IL1RAPL1: variants seen among roughly 807,000 people sequenced by gnomAD.
The protein encoded by IL1RAPL1 is interleukin 1 receptor accessory protein like 1.
Under a neutral mutation model 48.4 loss-of-function variants are expected in IL1RAPL1, and 3 were observed. The ratio of observed to expected loss-of-function variants is 0.06; its 90% CI spans 0.03 to 0.16. IL1RAPL1 has a LOEUF of 0.16. Ranked by LOEUF, IL1RAPL1 falls within the 10% of genes least tolerant of loss-of-function variation. IL1RAPL1 has a pLI of 1.00. For synonymous variants in IL1RAPL1, 185 were observed against 187.7 expected, an observed-to-expected ratio of 0.99 and a Z score of 0.12; for missense variants, 349 against 530.6, an observed-to-expected ratio of 0.66 and a Z score of 3.36.
At chrX:29,107,873 G>A (rs1366454483) in intron 2 of IL1RAPL1, among the ~76,000 whole-genome samples, 4 of 112,192 alleles carry the variant, frequency 3.6e-5, no homozygotes, top group Admixed American at 9.4e-5. Flanking sequence ...TTGGCTTTAC[G>A]TAATAGTCAA....
At chrX:29,313,820 T>C (rs981733063) in intron 3 of IL1RAPL1, among the ~76,000 whole-genome samples, 1 of 112,155 alleles carries the variant, frequency 8.9e-6, no homozygotes, top group African/African-American at 3.2e-5. Flanking sequence ...GGATGAAGTT[T>C]ATCCATTCAT....
rs181578312 is a variant in IL1RAPL1, at chrX:28,825,410, G to C, written c.82+35985G>C. On this transcript the variant is annotated intron_variant, in intron 2 of 10. Coordinates refer to ENST00000378993, the MANE Select transcript of IL1RAPL1 (RefSeq NM_014271.4). Reference sequence around the variant, plus strand: ...TATAATAGGGGCATCGTGATACTTGGAGTATTAATCCAATATTGAGGGAAA... The same window carrying C: ...TATAATAGGGGCATCGTGATACTTGCAGTATTAATCCAATATTGAGGGAAA... Among the ~76,000 whole-genome samples, 432 of 111,082 alleles carry C rather than the reference G, an allele frequency of 3.9e-3. 5 individuals carry two copies. Among genetic ancestry groups the C allele is most frequent in the African/African-American group, 0.013 (413 of 30,674 alleles).
chrX:29,846,858 CA>C (rs1931261734), intron 6 of IL1RAPL1, among the ~76,000 whole-genome samples: 1 of 108,492 alleles, frequency 9.2e-6, no homozygotes, highest in Non-Finnish European at 1.9e-5. Flanking sequence ...CATATATACA[CA>C]GTGAATTTTA....
At chrX:29,334,733 A>G (rs1253199822) in intron 3 of IL1RAPL1, among the ~76,000 whole-genome samples, 3 of 111,518 alleles carry the variant, frequency 2.7e-5, no homozygotes, top group Non-Finnish European at 3.8e-5. Flanking sequence ...CCGGGCAGAG[A>G]CGCTCCTCAC....
At chrX:29,004,721 C>T (rs1602006844) in intron 2 of IL1RAPL1, among the ~76,000 whole-genome samples, 1 of 111,576 alleles carries the variant, frequency 9.0e-6, no homozygotes, top group East Asian at 2.8e-4. Context: ...GTAAGCCAGG[C>T]ACAGTGTCTC....
intron 6 of IL1RAPL1, among the ~76,000 whole-genome samples, chrX:29,859,333 A>G (rs1931533124): frequency 1.8e-5 from 2 of 111,707 alleles, no homozygotes; most frequent in Admixed American, 1.9e-4. Flanking sequence ...AAGACTTTGG[A>G]ATTTACCTCT....
intron 1 of IL1RAPL1, among the ~76,000 whole-genome samples, chrX:28,697,326 A>G (rs2146928240): frequency 9.0e-6 from 1 of 110,778 alleles, no homozygotes; most frequent in East Asian, 2.8e-4. Context: ...ATTGCCTTGA[A>G]TTTTTTAATG....
intron 2 of IL1RAPL1, among the ~76,000 whole-genome samples, chrX:29,175,570 G>A (rs1342061687): frequency 9.0e-6 from 1 of 110,627 alleles, no homozygotes; most frequent in Non-Finnish European, 1.9e-5. Context: ...TTCCAAGCTG[G>A]GTGTGGTGGC....
At chrX:28,748,398 T>C (rs1292373189) in intron 1 of IL1RAPL1, among the ~76,000 whole-genome samples, 1 of 111,801 alleles carries the variant, frequency 8.9e-6, no homozygotes, top group Non-Finnish European at 1.9e-5. Flanking sequence ...TCCCCATCCC[T>C]TTTACCACAG....
chrX:29,745,132 G>T (rs1404987591), intron 6 of IL1RAPL1, among the ~76,000 whole-genome samples: 3 of 111,680 alleles, frequency 2.7e-5, no homozygotes, highest in African/African-American at 9.8e-5. Flanking sequence ...GTAAGTATTT[G>T]GTGATGGATT....
intron 2 of IL1RAPL1, among the ~76,000 whole-genome samples, chrX:28,944,834 T>C (rs1202764219): frequency 9.1e-6 from 1 of 109,783 alleles, no homozygotes; most frequent in Non-Finnish European, 1.9e-5. Context: ...TCCATCTTGC[T>C]CAATTAAAAA....
At chrX:28,899,339 G>T (rs1357058019) in intron 2 of IL1RAPL1, among the ~76,000 whole-genome samples, 1 of 111,367 alleles carries the variant, frequency 9.0e-6, no homozygotes, top group Non-Finnish European at 1.9e-5. Flanking sequence ...TGTATTTTTT[G>T]TAGAGACAGG....
intron 2 of IL1RAPL1, among the ~76,000 whole-genome samples, chrX:28,794,062 G>T (rs1455443037): frequency 3.6e-5 from 4 of 110,739 alleles, no homozygotes; most frequent in Admixed American, 1.9e-4. Flanking sequence ...GAAAGATAAA[G>T]GTAAAATTAA....
chrX:29,350,582 CTGAG>C (rs1235809392), intron 3 of IL1RAPL1, among the ~76,000 whole-genome samples: 2 of 96,457 alleles, frequency 2.1e-5, no homozygotes, highest in African/African-American at 7.7e-5. Flanking sequence ...TGGTTCCAGT[CTGAG>C]TGAGTGTGTG....
At chrX:29,135,341 A>C (rs1280461073) in intron 2 of IL1RAPL1, among the ~76,000 whole-genome samples, 1 of 112,018 alleles carries the variant, frequency 8.9e-6, no homozygotes, top group Non-Finnish European at 1.9e-5. Context: ...AAATAAGTAG[A>C]ACCTCCATAC....
chrX:29,098,897 T>G (rs1183684597), intron 2 of IL1RAPL1, among the ~76,000 whole-genome samples: 2 of 112,488 alleles, frequency 1.8e-5, no homozygotes, highest in Non-Finnish European at 3.7e-5. Flanking sequence ...ACGCCTGTAA[T>G]CCCAGCACTT....
At chrX:29,381,466 G>GAGATGAGGTCTCC (rs1933696524) in intron 3 of IL1RAPL1, among the ~76,000 whole-genome samples, 7 of 63,899 alleles carry the variant, frequency 1.1e-4, no homozygotes, top group Non-Finnish European at 1.6e-4. Flanking sequence ...ACCAGCCTGA[G>GAGATGAGGTCTCC]TAACATAGGG....
intron 3 of IL1RAPL1, among the ~76,000 whole-genome samples, chrX:29,326,425 G>A (rs187577119): frequency 8.0e-5 from 9 of 112,349 alleles, no homozygotes; most frequent in Admixed American, 2.8e-4. Flanking sequence ...GTACTTAGCA[G>A]CCACTCCACT....
intron 1 of IL1RAPL1, among the ~76,000 whole-genome samples, chrX:28,775,649 A>G (rs1936355477): frequency 8.9e-6 from 1 of 112,893 alleles, no homozygotes; most frequent in South Asian, 3.6e-4. Context: ...CAAATACAAT[A>G]AAATACAAAA....
Sources: gnomAD v4.1 joint callset for allele counts (sites outside exome capture counted in the v4.1 genomes callset) on GRCh38, gnomAD v4.1.1 for gene constraint, MANE v1.5 for transcripts, NCBI Gene and HGNC (gene_info 2026-07-23, HGNC 2026-07-21) for gene names.